The following DBNL variants were observed in gnomAD, a reference collection of about 807,000 sequenced individuals.
DBNL encodes the protein drebrin like, also known as drebrin-like protein.
DBNL carries 35 observed loss-of-function variants against 62.2 expected under a neutral mutation model. That is an observed-to-expected ratio of 0.56 (90% CI 0.43 to 0.75). The LOEUF is 0.75. DBNL is among the 30% of genes least tolerant of loss of function. The pLI, the probability that DBNL is intolerant of heterozygous loss-of-function variation, is 0.00. For missense variants in DBNL, 495 were observed against 578.4 expected (o/e 0.86, Z 1.48); for synonymous variants, 197 against 218.0 (o/e 0.90, Z 0.85).
At chr7:44,056,560 G>T (rs2096136697) in intron 4 of DBNL, among the ~76,000 whole-genome samples, 197 bp from the exon 5 acceptor site, 1 of 152,202 alleles carries the variant, frequency 6.6e-6, no homozygotes, top group African/African-American at 2.4e-5. Flanking sequence ...AGAATGAGGG[G>T]TTTGCTCCAA....
Position 44,059,538 on chromosome 7 carries a change from T to C in DBNL, c.932-5T>C, listed in dbSNP as rs771057237. On this transcript the variant is annotated splice_region_variant and splice_polypyrimidine_tract_variant and intron_variant, in intron 10 of 12. Transcript: ENST00000448521. The surrounding 1 kb of genome is among the most constrained non-coding windows in gnomAD (Gnocchi z 4.1). ...AGTGAGAACCTGCTGTGTTCCCTGG[T>C]GCAGATCTCCCTGCTGAGGAGCCGG... 6.2e-7 allele frequency: 1 copy of C among 1,613,524 alleles called. No individual in the cohort carries two copies. The highest frequency in any genetic ancestry group is 1.7e-5 in the Admixed American group (1 of 59,990).
Position 44,062,451 on chromosome 7 carries a change from CTCT to C in DBNL, c.*1539_*1541del. The C allele has an allele frequency of 2.5e-6, 1 of 402,544 alleles. No individual in the cohort carries two copies. The highest frequency in any genetic ancestry group is 2.2e-5 in the South Asian group (1 of 45,104). The allele number at this position is 402,544 out of a possible 1,614,324, so 24.9% of individuals were successfully genotyped here. A position where few individuals can be genotyped will look rare whatever the true frequency, so the allele number is the denominator to read the frequency against. On this transcript the variant is annotated 3_prime_UTR_variant, in exon 13 of 13. Coordinates refer to ENST00000448521, the MANE Select transcript of DBNL (RefSeq NM_001014436.3). Reference sequence around the variant, plus strand: ...CATGGGGAGAGCTGGGTCACTTGGCCTCTTCTAACTGGCCCCAAGCACGCCAAT... The same window carrying C: ...CATGGGGAGAGCTGGGTCACTTGGCCTCTAACTGGCCCCAAGCACGCCAAT...
chr7:44,060,007 A>C lies in DBNL; in HGVS notation c.1048-41A>C. 1.3e-6 allele frequency: 2 copies of C among 1,589,062 alleles called. No individual in the cohort carries two copies. The highest frequency in any genetic ancestry group is 1.7e-6 in the Non-Finnish European group (2 of 1,161,426). On this transcript the variant is annotated intron_variant, in intron 11 of 12. Coordinates refer to ENST00000448521, the MANE Select transcript of DBNL (RefSeq NM_001014436.3). This position sits in a 1 kb window ranked among gnomAD's most constrained non-coding sequence, Gnocchi z 6.3. ...TGGGGCAGAGCAGCGATTGTGTGTA[A>C]GGGCTGAGTCTGGGGTAACACCTTT...
rs766632345 is a variant in DBNL at position 44,065,903 on chromosome 7, G to A, written c.*4987G>A. ...GGACAGAGGGGCTCTCCAGGGCAAC[G>A]CTCAGTGGCCTATCAGCCATTCTCT... On this transcript the variant is annotated 3_prime_UTR_variant, in exon 13 of 13. Coordinates refer to ENST00000448521, the MANE Select transcript of DBNL (RefSeq NM_001014436.3). 2.1e-5 allele frequency: 8 copies of A among 385,232 alleles called. No homozygotes were observed. The highest frequency in any genetic ancestry group is 6.0e-5 in the East Asian group (1 of 16,792). 23.9% of individuals were successfully genotyped at this position (385,232 alleles called of 1,614,324 possible).
chr7:44,044,950 T>A, intron 1 of DBNL, 130 bp downstream of exon 1: 2 of 844,080 alleles, frequency 2.4e-6, no homozygotes, highest in Non-Finnish European at 3.4e-6. Flanking sequence ...GGCCTGGGGC[T>A]TACCTGTCTG....
chr7:44,054,796 C>A (rs1490724023), intron 4 of DBNL, among the ~76,000 whole-genome samples: 1 of 152,184 alleles, frequency 6.6e-6, no homozygotes, highest in East Asian at 1.9e-4. Flanking sequence ...CTCCCCCATG[C>A]CCTTCCCAAC....
At chr7:44,050,304 C>A in intron 2 of DBNL, 24 bp downstream of exon 2, 2 of 1,613,100 alleles carry the variant, frequency 1.2e-6, no homozygotes, top group South Asian at 2.2e-5. Flanking sequence ...CAAATGGACT[C>A]AGGGACACCA....
rs571818802 is a variant in DBNL at position 44,069,411 on chromosome 7, A to G, written c.*8495A>G. On this transcript the variant is annotated 3_prime_UTR_variant, in exon 13 of 13. Coordinates refer to ENST00000448521, the MANE Select transcript of DBNL (RefSeq NM_001014436.3). ...TACATGCTACTTGAAATGGCAAAAC[A>G]TTAATCTAAATTGACTGTAAGAGTA... The G allele has an allele frequency of 6.6e-6, 1 of 152,324 alleles. No homozygotes were observed. Among genetic ancestry groups the G allele is most frequent in the South Asian group, 2.1e-4 (1 of 4,830 alleles). The allele number at this position is 152,324 out of a possible 1,614,324, so 9.4% of individuals were successfully genotyped here.
chr7:44,065,196 C>A lies in DBNL; in HGVS notation c.*4280C>A, dbSNP rs753385432. 6.2e-7 allele frequency: 1 copy of A among 1,614,000 alleles called. No homozygotes were observed. Among genetic ancestry groups the A allele is most frequent in the Admixed American group, 1.7e-5 (1 of 60,002 alleles). ...TCGAAGGAGCGCCTCCAGATCTTCA[C>A]CTGCTCCTCCCCGTGCTTGGCGGCC... On this transcript the variant is annotated 3_prime_UTR_variant, in exon 13 of 13. Coordinates refer to ENST00000448521, the MANE Select transcript of DBNL (RefSeq NM_001014436.3).
In DBNL at chr7:44,044,708, A is replaced by C; in HGVS notation, c.-30A>C. Reference sequence around the variant, plus strand: ...CGGCCCGGCCCGGCCCGGAAGCTACAGCAGCGGCGCGGAGACTGCGGGGCG... The same window carrying C: ...CGGCCCGGCCCGGCCCGGAAGCTACCGCAGCGGCGCGGAGACTGCGGGGCG... On this transcript the variant is annotated 5_prime_UTR_variant, in exon 1 of 13. Transcript: ENST00000448521. The C allele has an allele frequency of 1.4e-6, 2 of 1,472,366 alleles. No homozygotes were observed. The highest frequency in any genetic ancestry group is 1.5e-5 in the African/African-American group (1 of 67,700). The allele number at this position is 1,472,366 out of a possible 1,614,324, so 91.2% of individuals were successfully genotyped here.
Position 44,061,648 on chromosome 7 carries a change from T to G in DBNL, c.*732T>G, listed in dbSNP as rs533839657. 6.6e-6 allele frequency: 1 copy of G among 152,576 alleles called. No homozygotes were observed. Among genetic ancestry groups the G allele is most frequent in the Non-Finnish European group, 1.5e-5 (1 of 68,130 alleles). The allele number at this position is 152,576 out of a possible 1,614,324, so 9.5% of individuals were successfully genotyped here. A position where few individuals can be genotyped will look rare whatever the true frequency, so the allele number is the denominator to read the frequency against. ...GTAACACAGAGTGGCCTTGGCCTGT[T>G]GTCTTCCCCTATTTTCTGTCCCAGC... On this transcript the variant is annotated 3_prime_UTR_variant, in exon 13 of 13. Coordinates refer to ENST00000448521, the MANE Select transcript of DBNL (RefSeq NM_001014436.3).
chr7:44,064,797 A>AGCCCCCCCACCAGAAAGTGGG lies in DBNL; in HGVS notation c.*3881_*3882insGCCCCCCCACCAGAAAGTGGG. ...GAGAAGCCAGCTGGGGCTGCTGCCC[A>AGCCCCCCCACCAGAAAGTGGG]CCCACCCTGCCCAGGCTCCTGAAGG... On this transcript the variant is annotated 3_prime_UTR_variant, in exon 13 of 13. Transcript: ENST00000448521. The AGCCCCCCCACCAGAAAGTGGG allele has an allele frequency of 1.6e-6, 1 of 633,308 alleles. No homozygotes were observed. Among genetic ancestry groups the AGCCCCCCCACCAGAAAGTGGG allele is most frequent in the Non-Finnish European group, 2.8e-6 (1 of 361,386 alleles). The allele number at this position is 633,308 out of a possible 1,614,324, so 39.2% of individuals were successfully genotyped here.
intron 1 of DBNL, among the ~76,000 whole-genome samples, chr7:44,048,308 G>T (rs1358486529): frequency 6.6e-6 from 1 of 152,226 alleles, no homozygotes; most frequent in Non-Finnish European, 1.5e-5. Context: ...GGGCTTTGTG[G>T]CCATCAAGAG....
At chr7:44,053,944 A>G (rs150915824) in intron 4 of DBNL, among the ~76,000 whole-genome samples, 2,708 of 152,102 alleles carry the variant, frequency 0.018, 21 homozygotes, top group Middle Eastern at 0.034. Flanking sequence ...CCAAAGTGCT[A>G]GGATTACAGG....
chr7:44,049,982 C>T lies in DBNL; in HGVS notation c.84-243C>T, dbSNP rs529350756. 6.0e-4 allele frequency: 282 copies of T among 469,026 alleles called. 4 individuals are homozygous for T. Among genetic ancestry groups the T allele is most frequent in the South Asian group, 4.3e-3 (195 of 45,700 alleles). 29.1% of individuals were successfully genotyped at this position (469,026 alleles called of 1,614,324 possible). Reference sequence around the variant, plus strand: ...CCCATCTCCATGGCTTTGTCCCTCACAACCCCCACCCCATGGTAAGTCAGG... The same window carrying T: ...CCCATCTCCATGGCTTTGTCCCTCATAACCCCCACCCCATGGTAAGTCAGG... On this transcript the variant is annotated intron_variant, in intron 1 of 12. Transcript: ENST00000448521.
In DBNL at chr7:44,059,253, C is replaced by T. The variant is rs1351975761; in HGVS notation, c.836-101C>T. The T allele has an allele frequency of 8.1e-7, 1 of 1,241,002 alleles. No homozygotes were observed. The highest frequency in any genetic ancestry group is 1.5e-5 in the African/African-American group (1 of 66,898). The allele number at this position is 1,241,002 out of a possible 1,614,324, so 76.9% of individuals were successfully genotyped here. ...TTCCTGCACTAGCAAGAGCAAGCCC[C>T]ATGAGACTGCCTCGAGCACACCAGG... On this transcript the variant is annotated intron_variant, in intron 9 of 12. Coordinates refer to ENST00000448521, the MANE Select transcript of DBNL (RefSeq NM_001014436.3). This position sits in a 1 kb window ranked among gnomAD's most constrained non-coding sequence, Gnocchi z 4.1.
rs2096161878 is a variant in DBNL, at chr7:44,067,334, C to T, written c.*6418C>T. ...TTGAAGCATGGTCATATTTTCAAGT[C>T]ACTTGCAGCTGTGTAGGAGTGGAAG... On this transcript the variant is annotated 3_prime_UTR_variant, in exon 13 of 13. Transcript: ENST00000448521. 6.6e-6 allele frequency: 1 copy of T among 152,242 alleles called. No homozygotes were observed. The highest frequency in any genetic ancestry group is 1.5e-5 in the Non-Finnish European group (1 of 68,072). 9.4% of individuals were successfully genotyped at this position (152,242 alleles called of 1,614,324 possible). A position where few individuals can be genotyped will look rare whatever the true frequency, so the allele number is the denominator to read the frequency against.
rs1200894380 is a variant in DBNL, at chr7:44,060,795, C to T, written c.1172C>T (p.Ser391Phe). 2 of 1,614,044 alleles carry T rather than the reference C, an allele frequency of 1.2e-6. No individual in the cohort carries two copies. The highest frequency in any genetic ancestry group is 1.7e-5 in the Admixed American group (1 of 60,002). Residue 391 changes from serine to phenylalanine, a missense_variant, in exon 13 of 13, where the codon TCC becomes TTC. By Grantham distance (155) the Ser-to-Phe change is radical. Transcript: ENST00000448521. The surrounding 1 kb of genome is among the most constrained non-coding windows in gnomAD (Gnocchi z 6.3). ...TTTGCAGCCGACGACACAGAGATCT[C>T]CTTTGACCCCGAGAACCTCATCACG... ...DYQAADDTEI[S>F]FDPENLITGI...
chr7:44,053,391 T>G (rs1175597743), intron 4 of DBNL, among the ~76,000 whole-genome samples: 1 of 152,226 alleles, frequency 6.6e-6, no homozygotes, highest in Non-Finnish European at 1.5e-5. Context: ...TTTTTAAATT[T>G]TAAAAACTAT....
Sources: gnomAD v4.1 joint callset for allele counts (sites outside exome capture counted in the v4.1 genomes callset) on GRCh38, gnomAD v4.1.1 for gene constraint, Gnocchi (gnomAD v3.1) non-coding constraint, MANE v1.5 for transcripts, NCBI Gene and HGNC (gene_info 2026-07-23, HGNC 2026-07-21) for gene names.